ENG: variants seen among roughly 807,000 people sequenced by gnomAD.
ENG encodes the protein endoglin, also known as CD105 antigen.
ENG carries 17 observed loss-of-function variants against 71.0 expected under a neutral mutation model. The ratio of observed to expected loss-of-function variants is 0.24; its 90% CI spans 0.16 to 0.36. The LOEUF (loss-of-function observed/expected upper bound fraction) is 0.36, where lower values mean the gene tolerates loss of function less well. Ranked by LOEUF, ENG falls within the 10% of genes least tolerant of loss-of-function variation. The pLI is 1.00. For synonymous variants in ENG, 360 were observed against 366.9 expected, an observed-to-expected ratio of 0.98 and a Z score of 0.21; for missense variants, 749 against 868.3, an observed-to-expected ratio of 0.86 and a Z score of 1.73.
chr9:127,819,551 G>C (rs990795525), intron 10 of ENG, 71 bp downstream of exon 10: 1 of 1,606,276 alleles, frequency 6.2e-7, no homozygotes, highest in Non-Finnish European at 8.5e-7. Flanking sequence ...CTCCCTCCCA[G>C]GCCAGGAAGA....
intron 3 of ENG, 142 bp downstream of exon 3, chr9:127,829,545 C>G: frequency 8.6e-7 from 1 of 1,159,208 alleles, no homozygotes; most frequent in Non-Finnish European, 1.2e-6. Context: ...CTTCACCAGG[C>G]AGGACCCTGG....
rs914868382 is a variant in ENG, at chr9:127,854,604, G to T, written c.-249C>A. The T allele has an allele frequency of 1.4e-5, 8 of 563,556 alleles. No individual in the cohort carries two copies. Among genetic ancestry groups the T allele is most frequent in the Non-Finnish European group, 2.5e-5 (8 of 318,524 alleles). 34.9% of individuals were successfully genotyped at this position (563,556 alleles called of 1,614,324 possible). On this transcript the variant is annotated 5_prime_UTR_variant, in exon 1 of 15. Coordinates refer to ENST00000373203, the MANE Select transcript of ENG (RefSeq NM_001114753.3). ...GGGGAGGGGGTGCTGGGCTCCAATG[G>T]ATGGCAGTGACAGCAGCAGTCCTGG...
At chr9:127,823,118 G>A (rs1830508467) in intron 8 of ENG, among the ~76,000 whole-genome samples, 1 of 151,862 alleles carries the variant, frequency 6.6e-6, no homozygotes, top group Non-Finnish European at 1.5e-5. Context: ...AGGGTTACAG[G>A]TGTGAGCCAC....
At chr9:127,851,070 G>A (rs1366573445) in intron 1 of ENG, among the ~76,000 whole-genome samples, 1 of 152,060 alleles carries the variant, frequency 6.6e-6, no homozygotes, top group African/African-American at 2.4e-5. Context: ...AAAAAAACTA[G>A]TAAGCCATCT....
At position 127,818,354 on chromosome 9, in the gene ENG, G is replaced by A. The variant is rs115450389; in HGVS notation, c.1452C>T (p.Ser484=). 1,451 of 1,613,796 alleles carry A rather than the reference G, an allele frequency of 9.0e-4. 6 individuals carry two copies. Among genetic ancestry groups the A allele is most frequent in the African/African-American group, 8.5e-3 (638 of 75,042 alleles). The change falls in exon 12 of 15, where the codon TCC becomes TCT. Residue 484 remains serine (S), a synonymous_variant. Coordinates refer to ENST00000373203, the MANE Select transcript of ENG (RefSeq NM_001114753.3). ...FVQVRVSPSV[S]EFLLQLDSCH... ...AGCTGTCTAACTGGAGCAGGAACTC[G>A]GAGACGGATGGGGACACTCTGACCT...
At chr9:127,822,051 G>GA (rs557178225) in intron 8 of ENG, among the ~76,000 whole-genome samples, 7 of 148,178 alleles carry the variant, frequency 4.7e-5, no homozygotes, top group Admixed American at 6.8e-5. Context: ...CTGTCTCAAA[G>GA]AAAAAAAAAG....
At chr9:127,830,674 A>C (rs755800125) in intron 2 of ENG, among the ~76,000 whole-genome samples, 1 of 151,908 alleles carries the variant, frequency 6.6e-6, no homozygotes, top group South Asian at 2.1e-4. Context: ...AACAAACAAA[A>C]AAAAGGGATG....
At chr9:127,824,685 G>A in intron 7 of ENG, 115 bp downstream of exon 7, 1 of 1,238,958 alleles carries the variant, frequency 8.1e-7, no homozygotes, top group Non-Finnish European at 1.1e-6. Flanking sequence ...AGAAAAATGA[G>A]GCTCAGAGAG....
intron 1 of ENG, chr9:127,847,079 C>A: frequency 3.0e-6 from 1 of 331,720 alleles, no homozygotes; most frequent in Non-Finnish European, 4.3e-6. Context: ...TGCAGACCAC[C>A]AATAATCACT....
chr9:127,839,876 A>C (rs1279276599), intron 2 of ENG, among the ~76,000 whole-genome samples: 1 of 152,176 alleles, frequency 6.6e-6, no homozygotes, highest in African/African-American at 2.4e-5. Context: ...ATCTTGTAGC[A>C]ATAACCATTG....
At chr9:127,837,861 T>C (rs1385544674) in intron 2 of ENG, among the ~76,000 whole-genome samples, 1 of 131,816 alleles carries the variant, frequency 7.6e-6, no homozygotes, top group Non-Finnish European at 1.7e-5. Context: ...ACACCAAAGA[T>C]TCAGCAGTAA....
At position 127,817,152 on chromosome 9, in the gene ENG, A is replaced by G. The variant is rs1376040521; in HGVS notation, c.1738T>C (p.Ser580Pro). The G allele has an allele frequency of 6.8e-6, 11 of 1,614,156 alleles. No homozygotes were observed. The highest frequency in any genetic ancestry group is 9.3e-6 in the Non-Finnish European group (11 of 1,180,012). The part of the protein sequence containing the change: ...MRLNIISPDL[S>P]GCTSKGLVLP... ...GAGAGACCTGGAGGGAGCTCACCAG[A>G]CAGGTCAGGGCTGATGATGTTCAAG... is the stretch of plus-strand genomic sequence containing the variant. The change falls in exon 13 of 15, where the codon TCT becomes CCT. Residue 580 changes from serine to proline, a missense_variant. Ser to Pro is a moderately conservative substitution (Grantham distance 74). Transcript: ENST00000373203.
In ENG at chr9:127,815,492, A is replaced by ACC. The variant is rs1162776342; in HGVS notation, c.*188_*189dup. 3 of 1,151,678 alleles carry ACC rather than the reference A, an allele frequency of 2.6e-6. No homozygotes were observed. The highest frequency in any genetic ancestry group is 3.6e-6 in the Non-Finnish European group (3 of 842,138). The allele number at this position is 1,151,678 out of a possible 1,614,324, so 71.3% of individuals were successfully genotyped here. On this transcript the variant is annotated 3_prime_UTR_variant, in exon 15 of 15. Coordinates refer to ENST00000373203, the MANE Select transcript of ENG (RefSeq NM_001114753.3). The stretch of plus-strand genomic sequence containing the variant: ...GTTGAAGGTTCTGTGGGGTGGAGGG[A>ACC]CCCCAAGGTGTTCCAAGCCAGTGGC...
chr9:127,826,685 G>A lies in ENG; in HGVS notation c.361-13C>T. ...CCAGGCTGGAATTCTGGGGAGACAT[G>A]TGGAGGCTCAGCACGCTGTTCCTGG... On this transcript the variant is annotated splice_polypyrimidine_tract_variant and intron_variant, in intron 3 of 14. Transcript: ENST00000373203. The A allele has an allele frequency of 6.2e-7, 1 of 1,613,138 alleles. No homozygotes were observed. Among genetic ancestry groups the A allele is most frequent in the Non-Finnish European group, 8.5e-7 (1 of 1,179,966 alleles).
In ENG at chr9:127,818,844, C is replaced by A; in HGVS notation, c.1312-12G>T. ...CAGTGCACCTTTTTCTGGGGGAGGA[C>A]GGGAGGGAGACTTGGTCAATCTGGC... On this transcript the variant is annotated splice_polypyrimidine_tract_variant and intron_variant, in intron 10 of 14. Coordinates refer to ENST00000373203, the MANE Select transcript of ENG (RefSeq NM_001114753.3). 6.2e-7 allele frequency: 1 copy of A among 1,612,036 alleles called. No individual in the cohort carries two copies. Among genetic ancestry groups the A allele is most frequent in the Non-Finnish European group, 8.5e-7 (1 of 1,178,874 alleles).
chr9:127,851,755 G>A (rs1466552320), intron 1 of ENG, among the ~76,000 whole-genome samples: 1 of 152,018 alleles, frequency 6.6e-6, no homozygotes, highest in African/African-American at 2.4e-5. Context: ...GCCGGCGCCT[G>A]TAGTCCCAGC....
chr9:127,827,668 T>G (rs1193538913), intron 3 of ENG, among the ~76,000 whole-genome samples: 1 of 152,134 alleles, frequency 6.6e-6, no homozygotes, highest in African/African-American at 2.4e-5. Context: ...TTATAATTTT[T>G]TAGAGACGAG....
chr9:127,830,213 G>A (rs1361112306), intron 2 of ENG, among the ~76,000 whole-genome samples: 1 of 151,374 alleles, frequency 6.6e-6, no homozygotes, highest in Non-Finnish European at 1.5e-5. Flanking sequence ...GTGGTGGTGG[G>A]TGCCTATAAT....
rs764472279 is a variant in ENG at position 127,854,292 on chromosome 9, T to C, written c.64A>G (p.Thr22Ala). 6.3e-6 allele frequency: 10 copies of C among 1,587,412 alleles called. No individual in the cohort carries two copies. The highest frequency in any genetic ancestry group is 4.0e-5 in the African/African-American group (3 of 74,272). ...LLLASCSLSP[T>A]SLAETVHCDL... Reference sequence around the variant, plus strand: ...CCCTGGGTCCCTGGACACCTACTTGTGGGGCTGAGGCTGCAGCTGGCCAGC... The same window carrying C: ...CCCTGGGTCCCTGGACACCTACTTGCGGGGCTGAGGCTGCAGCTGGCCAGC... Residue 22 changes from threonine to alanine, a missense_variant, in exon 1 of 15, where the codon ACA (threonine) becomes GCA (alanine). By Grantham distance (58) the Thr-to-Ala change is moderately conservative (BLOSUM62 0). Coordinates refer to ENST00000373203, the MANE Select transcript of ENG (RefSeq NM_001114753.3).
Sources: allele counts gnomAD v4.1 joint callset (sites outside exome capture counted in the v4.1 genomes callset), GRCh38; gene constraint gnomAD v4.1.1; transcripts MANE v1.5; gene names NCBI Gene and HGNC (gene_info 2026-07-23, HGNC 2026-07-21).